Variants in DRC11 observed in about 807,000 individuals in gnomAD.
The protein encoded by DRC11 is dynein regulatory complex subunit 11, also known as IQ and AAA domain-containing protein 1.
the DRC11 span, among the ~76,000 whole-genome samples, chr2:236,492,435 A>G: frequency 6.6e-6 from 1 of 152,166 alleles, no homozygotes; most frequent in Non-Finnish European, 1.5e-5. Context: ...TTCTCCTGCC[A>G]TCCTCAGCAT....
At chr2:236,491,135 ATATACAGTATATATATACACACAG>A in the DRC11 span, among the ~76,000 whole-genome samples, 36 of 109,036 alleles carry the variant, frequency 3.3e-4, 3 homozygotes, top group African/African-American at 1.3e-3. Flanking sequence ...ATATATATAT[ATATACAGTATATATATACACACAG>A]TATATATATA....
chr2:236,408,876 T>C, the DRC11 span: 2 of 652,986 alleles, frequency 3.1e-6, no homozygotes, highest in African/African-American at 1.8e-5. This position sits in a 1 kb window ranked among gnomAD's most constrained non-coding sequence, Gnocchi z 5.5. Flanking sequence ...CTCCTTCTTG[T>C]TCACGTTGGA....
the DRC11 span, among the ~76,000 whole-genome samples, chr2:236,318,143 GC>G: frequency 6.6e-6 from 1 of 151,160 alleles, no homozygotes; most frequent in Admixed American, 6.6e-5. This position sits in a 1 kb window ranked among gnomAD's most constrained non-coding sequence, Gnocchi z 7.0. Flanking sequence ...CCCTCCTTGG[GC>G]CCAAGGTGCA....
At chr2:236,329,063 C>T in the DRC11 span, among the ~76,000 whole-genome samples, 1 of 152,212 alleles carries the variant, frequency 6.6e-6, no homozygotes, top group Non-Finnish European at 1.5e-5. Context: ...GCCCCTGCTC[C>T]ACCTTTGGAT....
the DRC11 span, among the ~76,000 whole-genome samples, chr2:236,312,518 C>A: frequency 6.6e-6 from 1 of 151,980 alleles, no homozygotes; most frequent in East Asian, 1.9e-4. Flanking sequence ...ATATTTCATA[C>A]TTGGAGATTA....
chr2:236,321,164 A>T, the DRC11 span, among the ~76,000 whole-genome samples: 5 of 151,348 alleles, frequency 3.3e-5, no homozygotes, highest in South Asian at 2.1e-4. Flanking sequence ...TTATTTATTT[A>T]TTTTTTTTTG....
At chr2:236,382,427 T>C in the DRC11 span, among the ~76,000 whole-genome samples, 5 of 152,372 alleles carry the variant, frequency 3.3e-5, no homozygotes, top group Admixed American at 6.5e-5. Flanking sequence ...TTAGTTATTC[T>C]AGTTCCATTA....
the DRC11 span, among the ~76,000 whole-genome samples, chr2:236,372,287 A>G: frequency 6.6e-6 from 1 of 152,184 alleles, no homozygotes; most frequent in East Asian, 1.9e-4. This position sits in a 1 kb window ranked among gnomAD's most constrained non-coding sequence, Gnocchi z 4.5. Flanking sequence ...AAAATATCAA[A>G]TCCTAGGAAA....
the DRC11 span, chr2:236,507,259 G>T: frequency 6.2e-7 from 1 of 1,613,954 alleles, no homozygotes; most frequent in Non-Finnish European, 8.5e-7. Context: ...TCACTTACGC[G>T]TTCGACATTG....
the DRC11 span, among the ~76,000 whole-genome samples, chr2:236,359,632 G>A: frequency 1.3e-5 from 2 of 152,280 alleles, no homozygotes; most frequent in African/African-American, 4.8e-5. This position sits in a 1 kb window ranked among gnomAD's most constrained non-coding sequence, Gnocchi z 4.3. Flanking sequence ...CACAGCCCGT[G>A]TTCTGCAGCT....
the DRC11 span, among the ~76,000 whole-genome samples, chr2:236,439,482 T>C: frequency 6.6e-6 from 1 of 152,240 alleles, no homozygotes; most frequent in African/African-American, 2.4e-5. Context: ...TTGTACTTTA[T>C]TGAGTCTTTT....
the DRC11 span, among the ~76,000 whole-genome samples, chr2:236,499,509 A>G: frequency 6.6e-6 from 1 of 151,978 alleles, no homozygotes; most frequent in African/African-American, 2.4e-5. The surrounding 1 kb of genome is among the most constrained non-coding windows in gnomAD (Gnocchi z 4.7). Flanking sequence ...GCTCACTGCA[A>G]CCTCCGCCTC....
the DRC11 span, among the ~76,000 whole-genome samples, chr2:236,406,121 A>G: frequency 6.6e-6 from 1 of 152,228 alleles, no homozygotes; most frequent in Admixed American, 6.5e-5. The surrounding 1 kb of genome is among the most constrained non-coding windows in gnomAD (Gnocchi z 4.7). Flanking sequence ...GAACGTTTCT[A>G]AAGTTTCTTA....
chr2:236,334,623 C>A, the DRC11 span, among the ~76,000 whole-genome samples: 1 of 152,120 alleles, frequency 6.6e-6, no homozygotes, highest in Non-Finnish European at 1.5e-5. This position sits in a 1 kb window ranked among gnomAD's most constrained non-coding sequence, Gnocchi z 7.8. Context: ...CCTTTGGCTC[C>A]CCTTCATCTG....
the DRC11 span, among the ~76,000 whole-genome samples, chr2:236,432,219 T>G: frequency 4.6e-5 from 7 of 152,178 alleles, no homozygotes; most frequent in Admixed American, 3.3e-4. Context: ...CATCCATACA[T>G]CTTCCTTTGT....
At chr2:236,390,945 T>G in the DRC11 span, 4 of 152,432 alleles carry the variant, frequency 2.6e-5, no homozygotes, top group East Asian at 3.9e-4. The surrounding 1 kb of genome is among the most constrained non-coding windows in gnomAD (Gnocchi z 5.9). Context: ...CTAGGAGATC[T>G]CTCTTGGCAC....
the DRC11 span, among the ~76,000 whole-genome samples, chr2:236,367,029 C>A: frequency 1.4e-5 from 2 of 143,496 alleles, no homozygotes; most frequent in Admixed American, 7.0e-5. The surrounding 1 kb of genome is among the most constrained non-coding windows in gnomAD (Gnocchi z 4.8). Context: ...ACCATGTTGG[C>A]CAGGCTGCTC....
the DRC11 span, among the ~76,000 whole-genome samples, chr2:236,362,877 T>C: frequency 6.6e-6 from 1 of 152,188 alleles, no homozygotes; most frequent in African/African-American, 2.4e-5. The surrounding 1 kb of genome is among the most constrained non-coding windows in gnomAD (Gnocchi z 5.7). Context: ...AGGGACCACG[T>C]GGCTAAGGGA....
chr2:236,318,615 TGTG>T, the DRC11 span, among the ~76,000 whole-genome samples: 39 of 150,074 alleles, frequency 2.6e-4, no homozygotes, highest in Admixed American at 4.6e-4. This position sits in a 1 kb window ranked among gnomAD's most constrained non-coding sequence, Gnocchi z 7.0. Context: ...ATGTACAGCA[TGTG>T]GTGTGCATAT....
Sources: gnomAD v4.1 joint callset for allele counts (sites outside exome capture counted in the v4.1 genomes callset) on GRCh38, gnomAD v4.1.1 for gene constraint, Gnocchi (gnomAD v3.1) non-coding constraint, MANE v1.5 for transcripts, NCBI Gene and HGNC (gene_info 2026-07-23, HGNC 2026-07-21) for gene names.